Variants in FHOD3 observed in about 807,000 individuals in gnomAD.
FHOD3 encodes FH1/FH2 domain-containing protein 3.
FHOD3 carries 90 observed loss-of-function variants against 173.0 expected under a neutral mutation model. The observed-to-expected ratio is 0.52, with a 90% confidence interval of 0.44 to 0.62. FHOD3 has a LOEUF of 0.62. Among genes scored for constraint, FHOD3 ranks in the 20% least tolerant of loss-of-function variants. The probability of loss-of-function intolerance (pLI) is 0.00; values close to 1 mark genes in which losing one functional copy is unlikely to be tolerated. For synonymous variants in FHOD3, 828 were observed against 823.0 expected (o/e 1.01, Z -0.10); for missense variants, 1,945 against 2,034.7 (o/e 0.96, Z 0.85).
intron 14 of FHOD3, among the ~76,000 whole-genome samples, chr18:36,670,880 A>C (rs1273485036): frequency 6.6e-6 from 1 of 152,246 alleles, no homozygotes; most frequent in Non-Finnish European, 1.5e-5. Context: ...TAGCTTTGTT[A>C]GGCAGGACCA....
At chr18:36,756,287 G>C (rs900859406) in intron 25 of FHOD3, among the ~76,000 whole-genome samples, 1 of 152,094 alleles carries the variant, frequency 6.6e-6, no homozygotes. Flanking sequence ...GATATTGACA[G>C]GTCATATTTG....
At chr18:36,367,496 G>A (rs1702738602) in intron 2 of FHOD3, among the ~76,000 whole-genome samples, 1 of 152,182 alleles carries the variant, frequency 6.6e-6, no homozygotes, top group Non-Finnish European at 1.5e-5. Flanking sequence ...TGGGTACTTG[G>A]CGCATTCCAC....
Position 36,709,135 on chromosome 18 carries a change from G to A in FHOD3, c.2277G>A (p.Pro759=), listed in dbSNP as rs140175501. The A allele has an allele frequency of 1.2e-5, 20 of 1,613,878 alleles. No homozygotes were observed. In the African/African-American group the frequency reaches 1.3e-4, roughly 11 times the overall value. Residue 759 remains proline, a synonymous_variant, in exon 18 of 29, where the codon CCG becomes CCA. Coordinates refer to ENST00000590592, the MANE Select transcript of FHOD3 (RefSeq NM_001281740.3). ...CTGAACCCGAATCAGAGGCAGAACC[G>A]GAAGCAGAGGCAGGGGCGGGGCAGG... is the stretch of plus-strand genomic sequence containing the variant. ...GDPEPESEAE[P]EAEAGAGQVA...
At chr18:36,479,001 G>A (rs1029081798) in intron 3 of FHOD3, among the ~76,000 whole-genome samples, 2 of 152,150 alleles carry the variant, frequency 1.3e-5, no homozygotes, top group South Asian at 2.1e-4. Context: ...AGATTTGATG[G>A]ACTTTTATCA....
At chr18:36,318,532 A>G (rs570375247) in intron 1 of FHOD3, among the ~76,000 whole-genome samples, 22 of 152,092 alleles carry the variant, frequency 1.4e-4, no homozygotes, top group African/African-American at 4.1e-4. Flanking sequence ...CTGTTTGTCT[A>G]TTGTTGGTGT....
chr18:36,672,057 T>C (rs1330721808), intron 14 of FHOD3, among the ~76,000 whole-genome samples: 2 of 152,126 alleles, frequency 1.3e-5, no homozygotes, highest in Non-Finnish European at 2.9e-5. Flanking sequence ...GGAAGCAAGA[T>C]GGTGAGTGGC....
At chr18:36,303,093 C>T (rs2091997378) in intron 1 of FHOD3, among the ~76,000 whole-genome samples, 1 of 152,206 alleles carries the variant, frequency 6.6e-6, no homozygotes, top group South Asian at 2.1e-4. Context: ...ATGTCATGAA[C>T]TTATGCTGGA....
chr18:36,653,397 C>T lies in FHOD3; in HGVS notation c.1702C>T (p.Arg568Ter), dbSNP rs778684024. The change falls in exon 13 of 29, where the codon CGA (arginine) becomes TGA (stop). Residue 568 changes from arginine to a stop codon, truncating the protein, a stop_gained. Transcript: ENST00000590592. LOFTEE classifies it high-confidence loss of function. The stretch of plus-strand genomic sequence containing the variant: ...TTCTGCCTCTGAGCCTTACCACTTC[C>T]GATCTTTCTCTTCTAATAGGTGGGT... ...TYSASEPYHF[R>*]SFSSNRYSNF... 2.7e-5 allele frequency: 42 copies of T among 1,533,620 alleles called. No individual in the cohort carries two copies. In the South Asian group the frequency reaches 3.2e-4, roughly 12 times the overall value.
At chr18:36,528,791 A>G (rs879830208) in intron 5 of FHOD3, among the ~76,000 whole-genome samples, 4 of 152,214 alleles carry the variant, frequency 2.6e-5, no homozygotes, top group Admixed American at 2.6e-4. Flanking sequence ...TGAGTGCTGA[A>G]CGACGTTCGT....
chr18:36,562,248 C>T (rs1040185395), intron 5 of FHOD3, among the ~76,000 whole-genome samples: 2 of 152,076 alleles, frequency 1.3e-5, no homozygotes, highest in Non-Finnish European at 2.9e-5. Flanking sequence ...AACTCCTGAC[C>T]TCAGATGATC....
intron 5 of FHOD3, among the ~76,000 whole-genome samples, chr18:36,560,367 T>C (rs564422755): frequency 6.6e-6 from 1 of 152,324 alleles, no homozygotes; most frequent in Admixed American, 6.5e-5. Flanking sequence ...GAAATTTAAG[T>C]ACCAGAGGTC....
intron 10 of FHOD3, 27 bp downstream of exon 10, chr18:36,625,776 G>T (rs992893479): frequency 1.9e-6 from 3 of 1,565,474 alleles, no homozygotes; most frequent in Non-Finnish European, 2.6e-6. Context: ...CAGTGGAGAG[G>T]GGTGCAAGGA....
chr18:36,487,576 A>G (rs1265647768), intron 3 of FHOD3, among the ~76,000 whole-genome samples: 1 of 152,188 alleles, frequency 6.6e-6, no homozygotes, highest in African/African-American at 2.4e-5. Flanking sequence ...ATTAGGTATT[A>G]GGCTCAGAAA....
intron 3 of FHOD3, among the ~76,000 whole-genome samples, chr18:36,451,221 T>G (rs1015866824): frequency 6.6e-6 from 1 of 152,220 alleles, no homozygotes; most frequent in Non-Finnish European, 1.5e-5. Context: ...CTAATGAACA[T>G]TTCATGGCTC....
chr18:36,436,418 G>A (rs569315308), intron 3 of FHOD3, among the ~76,000 whole-genome samples: 2 of 152,168 alleles, frequency 1.3e-5, no homozygotes, highest in Middle Eastern at 6.8e-3. Flanking sequence ...TTATTTGTTT[G>A]TTATCCGAGG....
At chr18:36,627,901 A>G (rs528089431) in intron 10 of FHOD3, among the ~76,000 whole-genome samples, 1 of 152,168 alleles carries the variant, frequency 6.6e-6, no homozygotes. Flanking sequence ...CTTGAAAGAC[A>G]CAGAAGCTGC....
intron 14 of FHOD3, among the ~76,000 whole-genome samples, chr18:36,675,554 G>A (rs1028103041): frequency 3.3e-5 from 5 of 152,124 alleles, no homozygotes; most frequent in African/African-American, 1.2e-4. Context: ...TATGCCACTG[G>A]ATAGCCTGCC....
intron 5 of FHOD3, among the ~76,000 whole-genome samples, chr18:36,548,421 C>A (rs957139535): frequency 3.9e-5 from 6 of 152,052 alleles, no homozygotes; most frequent in African/African-American, 1.4e-4. Context: ...GGTGAATGTG[C>A]CTTTGAGGTA....
At chr18:36,699,810 A>G (rs914612175) in intron 17 of FHOD3, among the ~76,000 whole-genome samples, 9 of 152,168 alleles carry the variant, frequency 5.9e-5, no homozygotes, top group Admixed American at 2.6e-4. Context: ...AGTGTGTTTC[A>G]TCTGCCTCTG....
Sources: allele counts gnomAD v4.1 joint callset (sites outside exome capture counted in the v4.1 genomes callset), GRCh38; gene constraint gnomAD v4.1.1; transcripts MANE v1.5; gene names NCBI Gene and HGNC (gene_info 2026-07-23, HGNC 2026-07-21).